The following KCTD1 variants were observed in gnomAD, a reference collection of about 807,000 sequenced individuals.
KCTD1 encodes the protein potassium channel tetramerization domain containing 1.
KCTD1 carries 24 observed loss-of-function variants against 66.0 expected under a neutral mutation model. That is an observed-to-expected ratio of 0.36 (90% CI 0.26 to 0.51). The LOEUF (loss-of-function observed/expected upper bound fraction) is 0.51, where lower values mean the gene tolerates loss of function less well. Among genes scored for constraint, KCTD1 ranks in the 20% least tolerant of loss-of-function variants. KCTD1 has a pLI of 0.95. For synonymous variants in KCTD1, 511 were observed against 517.2 expected, an observed-to-expected ratio of 0.99 and a Z score of 0.16; for missense variants, 943 against 1,205.2, an observed-to-expected ratio of 0.78 and a Z score of 3.22.
chr18:26,478,225 A>G (rs1230071852), intron 2 of KCTD1, among the ~76,000 whole-genome samples: 1 of 152,210 alleles, frequency 6.6e-6, no homozygotes, highest in Non-Finnish European at 1.5e-5. Context: ...GATGCCTTGT[A>G]CCATCCTTAG....
At position 26,476,912 on chromosome 18, in the gene KCTD1, A is replaced by T. The variant is rs1598883898; in HGVS notation, c.1989-253T>A. On this transcript the variant is annotated intron_variant, in intron 2 of 4. Transcript: ENST00000580059. The surrounding 1 kb of genome is among the most constrained non-coding windows in gnomAD (Gnocchi z 4.9). The stretch of plus-strand genomic sequence containing the variant: ...CACCTGCAAAGAAAATGTTCCTGAC[A>T]TGGTGATTACGGCTAAGTGCTGTCA... The T allele has an allele frequency of 4.8e-6, 2 of 413,634 alleles. No individual in the cohort carries two copies. Among genetic ancestry groups the T allele is most frequent in the East Asian group, 9.8e-5 (2 of 20,358 alleles). 25.6% of individuals were successfully genotyped at this position (413,634 alleles called of 1,614,324 possible). A position where few individuals can be genotyped will look rare whatever the true frequency, so the allele number is the denominator to read the frequency against.
At chr18:26,593,766 G>A (rs28562679) in intron 1 of KCTD1, among the ~76,000 whole-genome samples, 12 of 81,372 alleles carry the variant, frequency 1.5e-4, no homozygotes, top group Non-Finnish European at 2.3e-4. Context: ...AGGAGGAGAA[G>A]GACAAGGAGG....
In KCTD1 at chr18:26,476,659, T is replaced by C. The variant is rs199557605; in HGVS notation, c.1989A>G (p.Arg663=). The C allele has an allele frequency of 1.0e-4, 168 of 1,610,784 alleles. No individual in the cohort carries two copies. The highest frequency in any genetic ancestry group is 1.2e-4 in the Non-Finnish European group (147 of 1,179,112). ...LATLTKYPES[R]IGRLFDGTEP... Reference sequence around the variant, plus strand: ...CTGTACCATCAAAAAGTCTTCCGATTCTGTGATAGAAAAGAGGGAACAGTG... The same window carrying C: ...CTGTACCATCAAAAAGTCTTCCGATCCTGTGATAGAAAAGAGGGAACAGTG... The change falls in exon 3 of 5, where the codon AGA becomes AGG. Residue 663 remains arginine (R), a splice_region_variant and synonymous_variant. Transcript: ENST00000580059. The surrounding 1 kb of genome is among the most constrained non-coding windows in gnomAD (Gnocchi z 4.9).
chr18:26,505,470 C>T (rs757699493), intron 1 of KCTD1, among the ~76,000 whole-genome samples: 2 of 152,350 alleles, frequency 1.3e-5, no homozygotes, highest in Admixed American at 6.5e-5. Flanking sequence ...ACGAAGAACC[C>T]GGGAGAGGAA....
chr18:26,621,254 T>C (rs1019566316), intron 1 of KCTD1, among the ~76,000 whole-genome samples: 1 of 152,168 alleles, frequency 6.6e-6, no homozygotes, highest in Non-Finnish European at 1.5e-5. Context: ...TTTGGATGAA[T>C]GTGGTCGGGT....
chr18:26,471,693 T>C (rs1981070911), intron 3 of KCTD1, among the ~76,000 whole-genome samples: 1 of 152,180 alleles, frequency 6.6e-6, no homozygotes, highest in Non-Finnish European at 1.5e-5. Context: ...CCCAGTATTT[T>C]GCAAGATGTT....
intron 1 of KCTD1, among the ~76,000 whole-genome samples, chr18:26,654,679 T>C (rs1310953830): frequency 6.6e-6 from 1 of 152,336 alleles, no homozygotes; most frequent in East Asian, 1.9e-4. Context: ...CATTTCAAAA[T>C]TTCTTCCCGG....
At chr18:26,558,232 T>C (rs1985755595) in intron 1 of KCTD1, among the ~76,000 whole-genome samples, 1 of 152,090 alleles carries the variant, frequency 6.6e-6, no homozygotes, top group African/African-American at 2.4e-5. Context: ...TCAAGAGAAA[T>C]ATAAATCAAA....
chr18:26,584,483 T>C (rs1986428110), intron 1 of KCTD1, among the ~76,000 whole-genome samples: 1 of 152,234 alleles, frequency 6.6e-6, no homozygotes, highest in African/African-American at 2.4e-5. Context: ...GTAATTTGCA[T>C]TACATTTTTG....
upstream of KCTD1, among the ~76,000 whole-genome samples, chr18:26,645,036 C>T (rs546845950): frequency 6.6e-6 from 1 of 152,120 alleles, no homozygotes; most frequent in Non-Finnish European, 1.5e-5. Context: ...CCTTCCCTAA[C>T]GTGTATGTTC....
chr18:26,578,403 G>A (rs1264060616), intron 1 of KCTD1, among the ~76,000 whole-genome samples: 1 of 152,178 alleles, frequency 6.6e-6, no homozygotes, highest in Admixed American at 6.5e-5. Flanking sequence ...GAAATTGCTT[G>A]TATCATAAAC....
chr18:26,503,745 G>A (rs1982889001), intron 1 of KCTD1, among the ~76,000 whole-genome samples: 1 of 150,296 alleles, frequency 6.7e-6, no homozygotes, highest in South Asian at 2.1e-4. Context: ...CTGATCGGTT[G>A]AAGCATTCCA....
upstream of KCTD1, among the ~76,000 whole-genome samples, chr18:26,643,695 G>A (rs373978760): frequency 1.9e-4 from 29 of 152,110 alleles, no homozygotes; most frequent in African/African-American, 6.3e-4. Context: ...GGGTGCGGTG[G>A]CTCACGCCTG....
intron 1 of KCTD1, among the ~76,000 whole-genome samples, chr18:26,514,259 G>C (rs566770725): frequency 3.9e-5 from 6 of 152,162 alleles, no homozygotes; most frequent in South Asian, 2.1e-4. Context: ...TTAAAGGTGT[G>C]GGGGAGGAGA....
chr18:26,518,056 GT>G (rs1484233688), intron 1 of KCTD1, among the ~76,000 whole-genome samples: 1 of 152,190 alleles, frequency 6.6e-6, no homozygotes, highest in Non-Finnish European at 1.5e-5. Flanking sequence ...TAGGAACTGT[GT>G]TTTGTTTGCT....
upstream of KCTD1, chr18:26,548,764 A>G (rs1346057367): frequency 3.5e-5 from 39 of 1,119,244 alleles, no homozygotes; most frequent in Middle Eastern, 3.6e-4. Flanking sequence ...GAGATAGGGT[A>G]AAGGACGGAG....
At chr18:26,493,178 G>A (rs906307340) in intron 2 of KCTD1, among the ~76,000 whole-genome samples, 12 of 152,070 alleles carry the variant, frequency 7.9e-5, no homozygotes, top group Non-Finnish European at 1.6e-4. Context: ...TGTATGACCC[G>A]GAGTCCTGCC....
Position 26,615,010 on chromosome 18 carries a change from T to C in KCTD1, c.-16+14137A>G, listed in dbSNP as rs553633817. On this transcript the variant is annotated intron_variant, in intron 1 of 4. Transcript: ENST00000317932. ...TATAAAAATGAACTCAGCACTTTCT[T>C]AGGAAGGCTCTTGATCTGGTTACAT... 2.0e-5 allele frequency among the ~76,000 whole-genome samples: 3 copies of C among 152,348 alleles called. No homozygotes were observed. The East Asian group carries it at 5.8e-4, about 29-fold the overall frequency.
chr18:26,462,023 A>G (rs958649720), intron 3 of KCTD1, among the ~76,000 whole-genome samples: 1 of 152,072 alleles, frequency 6.6e-6, no homozygotes, highest in Non-Finnish European at 1.5e-5. Flanking sequence ...TCCAAAGTGA[A>G]TGAAGCTAAC....
Sources: gnomAD v4.1 joint callset for allele counts (sites outside exome capture counted in the v4.1 genomes callset) on GRCh38, gnomAD v4.1.1 for gene constraint, Gnocchi (gnomAD v3.1) non-coding constraint, MANE v1.5 for transcripts, NCBI Gene and HGNC (gene_info 2026-07-23, HGNC 2026-07-21) for gene names.